The following PATJ variants were observed in gnomAD, a reference collection of about 807,000 sequenced individuals.
The protein encoded by PATJ is PATJ crumbs cell polarity complex component.
Under a neutral mutation model 224.9 loss-of-function variants are expected in PATJ, and 190 were observed. That is an observed-to-expected ratio of 0.84 (90% confidence interval 0.75 to 0.95). The LOEUF (loss-of-function observed/expected upper bound fraction) is 0.95, where lower values mean the gene tolerates loss of function less well. Ranked by LOEUF, PATJ falls within the 40% of genes least tolerant of loss-of-function variation. The pLI, the probability that PATJ is intolerant of heterozygous loss-of-function variation, is 0.00. For synonymous variants in PATJ, 769 were observed against 820.3 expected (o/e 0.94, Z 1.07); for missense variants, 2,121 against 2,270.3 (o/e 0.93, Z 1.34).
intron 38 of PATJ, among the ~76,000 whole-genome samples, chr1:62,121,553 G>A (rs1665050367): frequency 6.6e-6 from 1 of 151,802 alleles, no homozygotes; most frequent in Non-Finnish European, 1.5e-5. Context: ...ATCACCTGAG[G>A]TCAGGAGATC....
chr1:61,918,324 TTTGGA>T, intron 26 of PATJ, among the ~76,000 whole-genome samples: 1 of 149,254 alleles, frequency 6.7e-6, no homozygotes, highest in Admixed American at 6.6e-5. Flanking sequence ...TTTTTTTTTT[TTTGGA>T]GACAGTCTTG....
chr1:61,862,885 G>T (rs1337397203), intron 19 of PATJ, among the ~76,000 whole-genome samples: 1 of 151,762 alleles, frequency 6.6e-6, no homozygotes, highest in Non-Finnish European at 1.5e-5. Context: ...TGTAGACAGT[G>T]TCTCAAGATG....
chr1:61,861,468 A>G, intron 18 of PATJ, 83 bp from the exon 19 acceptor site: 2 of 670,408 alleles, frequency 3.0e-6, no homozygotes, highest in Non-Finnish European at 5.2e-6. Flanking sequence ...TGCATTAGGT[A>G]TTTGTCCTAA....
At chr1:61,943,455 T>C (rs1270734568) in intron 27 of PATJ, among the ~76,000 whole-genome samples, 1 of 152,192 alleles carries the variant, frequency 6.6e-6, no homozygotes. Flanking sequence ...GTCCTGTGCC[T>C]GGCTTGGAGG....
chr1:62,044,458 A>T (rs868265735), intron 30 of PATJ, among the ~76,000 whole-genome samples: 9 of 152,362 alleles, frequency 5.9e-5, no homozygotes, highest in African/African-American at 4.8e-5. Flanking sequence ...GCAATGTTAA[A>T]GACATCTTGA....
chr1:62,099,763 T>C lies in PATJ; in HGVS notation c.4378-8674T>C, dbSNP rs188532676. On this transcript the variant is annotated intron_variant, in intron 33 of 43. Transcript: ENST00000642238. ...ATATCTAGAAATGTAAAATCTCATCTACTAAAATAGTTCACCCACAAAAGG... is the reference window on the plus strand; with the variant it reads ...ATATCTAGAAATGTAAAATCTCATCCACTAAAATAGTTCACCCACAAAAGG... Among the ~76,000 whole-genome samples the C allele has an allele frequency of 5.8e-3, 881 of 152,332 alleles. 9 individuals are homozygous for C. Among genetic ancestry groups the C allele is most frequent in the African/African-American group, 0.02 (837 of 41,576 alleles).
chr1:61,866,689 G>A (rs1303853342), intron 20 of PATJ, among the ~76,000 whole-genome samples: 2 of 151,994 alleles, frequency 1.3e-5, no homozygotes, highest in Admixed American at 6.6e-5. Flanking sequence ...AACTGTTACC[G>A]GAAAGAGGTC....
chr1:61,887,953 G>A (rs956878167), intron 22 of PATJ, among the ~76,000 whole-genome samples: 4 of 152,172 alleles, frequency 2.6e-5, no homozygotes, highest in African/African-American at 9.7e-5. Context: ...TAGATGATGT[G>A]CATTTCTCTG....
chr1:62,036,871 C>CAAAAAAAAAAAAAA (rs55761910), intron 29 of PATJ, among the ~76,000 whole-genome samples: 1,876 of 67,110 alleles, frequency 0.028, 256 homozygotes, highest in East Asian at 0.2. Context: ...GACTCCATCT[C>CAAAAAAAAAAAAAA]AAAAAAAAAA....
At chr1:62,117,085 A>G (rs1236125609) in intron 36 of PATJ, 47 bp from the exon 37 acceptor site, 2 of 1,482,766 alleles carry the variant, frequency 1.3e-6, no homozygotes, top group South Asian at 1.1e-5. Context: ...ATTTCAGAAT[A>G]TAAATGCTAC....
Position 61,775,302 on chromosome 1 carries a change from A to G in PATJ, c.817A>G (p.Arg273Gly), listed in dbSNP as rs762822157. ...VGGKTSGVVV[R>G]TIVPGGLADR... is the part of the protein sequence containing the mutation. ...AGGAAAAACAAGTGGCGTGGTTGTG[A>G]GGACTATAGTTCCTGGAGGATTAGC... is the stretch of plus-strand genomic sequence containing the variant. The change falls in exon 7 of 44, where the codon AGG (arginine) becomes GGG (glycine). Residue 273 changes from arginine (R) to glycine (G), a missense_variant. Physicochemically the swap from Arg to Gly is moderately radical, Grantham distance 125. Transcript: ENST00000642238. The G allele has an allele frequency of 4.3e-6, 7 of 1,613,864 alleles. No individual in the cohort carries two copies. The highest frequency in any genetic ancestry group is 5.9e-6 in the Non-Finnish European group (7 of 1,179,874).
intron 30 of PATJ, among the ~76,000 whole-genome samples, chr1:62,040,869 G>A (rs1283858745): frequency 6.6e-6 from 1 of 152,108 alleles, no homozygotes; most frequent in African/African-American, 2.4e-5. Context: ...ACCCTCATAG[G>A]TTCTTAGTTG....
At position 61,927,791 on chromosome 1, in the gene PATJ, A is replaced by G; in HGVS notation, c.3632A>G (p.Asp1211Gly). ...LPPPYKALTDDSDENEEEDAF... is the reference protein window; with the variant it reads ...LPPPYKALTDGSDENEEEDAF... ...CCTCCTTATAAAGCTCTGACTGATG[A>G]CAGTGATGAAAATGAAGAAGAAGAT... The change falls in exon 27 of 44, where the codon GAC (aspartate) becomes GGC (glycine). Residue 1211 changes from aspartate (D) to glycine (G), a missense_variant. Transcript: ENST00000642238. The G allele has an allele frequency of 6.2e-7, 1 of 1,613,602 alleles. No homozygotes were observed. The highest frequency in any genetic ancestry group is 8.5e-7 in the Non-Finnish European group (1 of 1,179,732).
At chr1:62,157,468 CTT>C (rs201317282) in intron 43 of PATJ, among the ~76,000 whole-genome samples, 5,592 of 149,334 alleles carry the variant, frequency 0.037, 528 homozygotes, top group Non-Finnish European at 0.051. Flanking sequence ...AGTTGAGAGA[CTT>C]AGTCAATATG....
At chr1:62,065,585 G>A (rs1354124657) in intron 31 of PATJ, among the ~76,000 whole-genome samples, 3 of 152,118 alleles carry the variant, frequency 2.0e-5, no homozygotes, top group Non-Finnish European at 4.4e-5. Flanking sequence ...TCCAGCCTGG[G>A]TGACAGAGTA....
chr1:61,830,665 AT>A lies in PATJ; in HGVS notation c.1981-2987del. The stretch of plus-strand genomic sequence containing the variant: ...GCTATAGTAATCAAAACAGCATAGT[AT>A]TGGTACAAAAATAGACACATAGACC... On this transcript the variant is annotated intron_variant, in intron 16 of 43. Coordinates refer to ENST00000642238, the MANE Select transcript of PATJ (RefSeq NM_001350145.3). Among the ~76,000 whole-genome samples the A allele has an allele frequency of 1.3e-5, 2 of 152,318 alleles. 1 individual carries two copies. Among genetic ancestry groups the A allele is most frequent in the Middle Eastern group, 6.8e-3 (2 of 294 alleles).
At chr1:62,099,343 C>G (rs1196339373) in intron 33 of PATJ, among the ~76,000 whole-genome samples, 2 of 129,708 alleles carry the variant, frequency 1.5e-5, no homozygotes, top group African/African-American at 6.8e-5. Flanking sequence ...TACAATATCT[C>G]CAACTTTTTT....
At chr1:61,955,354 T>C in intron 27 of PATJ, among the ~76,000 whole-genome samples, 1 of 152,042 alleles carries the variant, frequency 6.6e-6, no homozygotes, top group African/African-American at 2.4e-5. Flanking sequence ...AGAAAAAAGA[T>C]ATATAGGTGC....
chr1:61,962,594 G>A (rs1284669934), intron 27 of PATJ, among the ~76,000 whole-genome samples: 3 of 152,288 alleles, frequency 2.0e-5, no homozygotes, highest in East Asian at 1.9e-4. Context: ...AGGATTAATC[G>A]GTGATCATTA....
Sources: gnomAD v4.1 joint callset for allele counts (sites outside exome capture counted in the v4.1 genomes callset) on GRCh38, gnomAD v4.1.1 for gene constraint, MANE v1.5 for transcripts, NCBI Gene and HGNC (gene_info 2026-07-23, HGNC 2026-07-21) for gene names.